Variants in BRF1 observed in about 807,000 individuals in gnomAD.
The protein encoded by BRF1 is transcription factor IIIB 90 kDa subunit.
In BRF1, 59 loss-of-function variants were observed where a neutral mutation model predicts 81.7. That is an observed-to-expected ratio of 0.72 (90% CI 0.59 to 0.90). The LOEUF (loss-of-function observed/expected upper bound fraction) is 0.90. Among genes scored for constraint, BRF1 ranks in the 40% least tolerant of loss-of-function variants. The pLI is 0.00. For synonymous variants in BRF1, 491 were observed against 395.6 expected (o/e 1.24, Z -2.86); for missense variants, 1,050 against 936.3 (o/e 1.12, Z -1.58).
Position 105,217,534 on chromosome 14 carries a change from A to G in BRF1, c.1772+10T>C, listed in dbSNP as rs1891536215. On this transcript the variant is annotated intron_variant, in intron 15 of 17. Transcript: ENST00000547530. ...CTGCCCTAACCCAGCCACTCAGGAC[A>G]GGATGGTACCTTTTCCCCACACTGG... 3.1e-6 allele frequency: 5 copies of G among 1,611,034 alleles called. No individual in the cohort carries two copies. The African/African-American group carries it at 5.3e-5, about 17-fold the overall frequency.
chr14:105,226,804 A>G (rs1893174652), intron 7 of BRF1, 44 bp from the exon 8 acceptor site: 1 of 1,611,798 alleles, frequency 6.2e-7, no homozygotes, highest in Non-Finnish European at 8.5e-7. Context: ...GTGGCTCTGA[A>G]ACCAGCTGTT....
At position 105,217,624 on chromosome 14, in the gene BRF1, G is replaced by C; in HGVS notation, c.1692C>G (p.Ser564Arg). The C allele has an allele frequency of 6.2e-7, 1 of 1,613,358 alleles. No individual in the cohort carries two copies. Among genetic ancestry groups the C allele is most frequent in the Non-Finnish European group, 8.5e-7 (1 of 1,180,014 alleles). ...PHREDAQPEH[S>R]ASARKLSRRR... is the part of the protein sequence containing the mutation. The stretch of plus-strand genomic sequence containing the variant: ...TTCGTGACAGCTTCCTGGCACTGGC[G>C]CTATGCTCGGGCTGTGCATCCTCCC... The change falls in exon 15 of 18, where the codon AGC becomes AGG. Residue 564 changes from serine (S) to arginine (R), a missense_variant. This residue lies in a region of BRF1 where 1,043 missense variants were observed against 915.4 expected (regional missense o/e 1.14). Transcript: ENST00000547530.
chr14:105,211,208 T>C lies in BRF1; in HGVS notation c.1910A>G (p.His637Arg). ...CTCCTCGTCAGCCTCCTCGTCGGCG[T>C]GGTATGACACGGGCCCGCTCTCCAC... Reference protein sequence around the residue: ...VLVESGPVSYHADEEADEEEP... With the variant: ...VLVESGPVSYRADEEADEEEP... The change falls in exon 17 of 18, where the codon CAC becomes CGC. Residue 637 changes from histidine (H) to arginine (R), a missense_variant. Transcript: ENST00000547530. 5.6e-6 allele frequency: 9 copies of C among 1,611,812 alleles called. No homozygotes were observed. Among genetic ancestry groups the C allele is most frequent in the Non-Finnish European group, 7.6e-6 (9 of 1,179,854 alleles).
intron 1 of BRF1, among the ~76,000 whole-genome samples, chr14:105,293,946 G>A (rs768517079): frequency 8.5e-5 from 13 of 152,222 alleles, no homozygotes; most frequent in African/African-American, 2.7e-4. Flanking sequence ...ACTAGAAAAC[G>A]ACAGCTCAGA....
Position 105,272,789 on chromosome 14 carries a change from C to T in BRF1, c.371G>A (p.Arg124His), listed in dbSNP as rs1198471192. ...AATCACGTGGGCCATCTTCCGGCCGCGGGTCAGGTGCCTGCTCACGGCCAT... is the reference window on the plus strand; with the variant it reads ...AATCACGTGGGCCATCTTCCGGCCGTGGGTCAGGTGCCTGCTCACGGCCAT... ...FKMAVSRHLT[R>H]GRKMAHVIAA... The change falls in exon 3 of 18, where the codon CGC becomes CAC. Residue 124 changes from arginine to histidine, a missense_variant. This residue lies in a region of BRF1 where 1,043 missense variants were observed against 915.4 expected (regional missense o/e 1.14). Coordinates refer to ENST00000547530, the MANE Select transcript of BRF1 (RefSeq NM_001519.4). 6.2e-6 allele frequency: 10 copies of T among 1,613,958 alleles called. No homozygotes were observed. Among genetic ancestry groups the T allele is most frequent in the East Asian group, 2.2e-5 (1 of 44,876 alleles).
At chr14:105,306,950 T>A (rs1222222503) in intron 1 of BRF1, among the ~76,000 whole-genome samples, 1 of 151,886 alleles carries the variant, frequency 6.6e-6, no homozygotes, top group East Asian at 1.9e-4. Flanking sequence ...TGGGGTCTCG[T>A]GGACCTAGAG....
At chr14:105,259,956 C>A (rs1192810855) in intron 3 of BRF1, among the ~76,000 whole-genome samples, 1 of 151,988 alleles carries the variant, frequency 6.6e-6, no homozygotes, top group East Asian at 1.9e-4. Context: ...TCATATGATT[C>A]CATTTATAGG....
chr14:105,212,368 A>G, intron 15 of BRF1: 1 of 613,678 alleles, frequency 1.6e-6, no homozygotes, highest in Non-Finnish European at 2.8e-6. Context: ...TCACATTCTC[A>G]ACAGCGAGCA....
In BRF1 at chr14:105,248,252, CGGCCAGAGGCAGACTCCGGAAT is replaced by C. The variant is rs1298932592; in HGVS notation, c.544+4233_544+4254del. ...AGCCCAACGACCATCCCACAGGCCGCGGCCAGAGGCAGACTCCGGAATGCAAATGGCCAAACAAGCAGGTCCA... is the reference window on the plus strand; with the variant it reads ...AGCCCAACGACCATCCCACAGGCCGCGCAAATGGCCAAACAAGCAGGTCCA... On this transcript the variant is annotated intron_variant, in intron 5 of 17. Transcript: ENST00000547530. 16 of 985,340 alleles carry C rather than the reference CGGCCAGAGGCAGACTCCGGAAT, an allele frequency of 1.6e-5. No individual in the cohort carries two copies. The East Asian group carries it at 1.6e-3, about 98-fold the overall frequency. The allele number at this position is 985,340 out of a possible 1,614,324, so 61.0% of individuals were successfully genotyped here.
At chr14:105,246,882 A>C in intron 5 of BRF1, 1 of 985,266 alleles carries the variant, frequency 1.0e-6, no homozygotes, top group Non-Finnish European at 1.2e-6. Context: ...CGGCTCAGCA[A>C]TTCTATCCTG....
intron 3 of BRF1, among the ~76,000 whole-genome samples, chr14:105,267,170 TTAA>T (rs2056453541): frequency 6.6e-6 from 1 of 152,242 alleles, no homozygotes; most frequent in African/African-American, 2.4e-5. Flanking sequence ...GAATGATGTA[TTAA>T]TAATGTCAAC....
intron 5 of BRF1, chr14:105,248,836 G>A (rs2055350863): frequency 1.9e-5 from 19 of 989,510 alleles, no homozygotes; most frequent in Non-Finnish European, 2.2e-5. Context: ...GCGTCCACAG[G>A]CGCCGAGGCT....
At chr14:105,248,935 G>T (rs912086833) in intron 5 of BRF1, 7 of 984,904 alleles carry the variant, frequency 7.1e-6, no homozygotes, top group Non-Finnish European at 7.2e-6. Flanking sequence ...AGCAACGCCG[G>T]CGCCGCCGTG....
chr14:105,211,914 G>T, intron 16 of BRF1, 199 bp downstream of exon 16: 2 of 720,684 alleles, frequency 2.8e-6, no homozygotes, highest in Non-Finnish European at 4.6e-6. Flanking sequence ...CCCACTTCCT[G>T]CCCGCTCCTG....
chr14:105,248,833 C>G lies in BRF1; in HGVS notation c.544+3674G>C, dbSNP rs186857534. 4,038 of 989,138 alleles carry G rather than the reference C, an allele frequency of 4.1e-3. 151 individuals are homozygous for G. The African/African-American group carries it at 0.067, about 16-fold the overall frequency. The allele number at this position is 989,138 out of a possible 1,614,324, so 61.3% of individuals were successfully genotyped here. ...GCGAGGGCGCGGGGCGCGGCGTCCA[C>G]AGGCGCCGAGGCTGCCCCCGCCGCC... is the stretch of plus-strand genomic sequence containing the variant. On this transcript the variant is annotated intron_variant, in intron 5 of 17. Coordinates refer to ENST00000547530, the MANE Select transcript of BRF1 (RefSeq NM_001519.4).
chr14:105,241,661 C>T (rs2054658271), intron 5 of BRF1: 3 of 561,052 alleles, frequency 5.3e-6, no homozygotes, highest in Non-Finnish European at 3.2e-6. Flanking sequence ...GGCCAGGCAG[C>T]GTGCTCCTAC....
chr14:105,223,897 G>C (rs777635658), intron 10 of BRF1, among the ~76,000 whole-genome samples: 1 of 152,180 alleles, frequency 6.6e-6, no homozygotes, highest in African/African-American at 2.4e-5. Flanking sequence ...CTTGAGCTAC[G>C]TGTTCATTTC....
chr14:105,281,344 A>G (rs587659158), intron 2 of BRF1, among the ~76,000 whole-genome samples: 14 of 105,586 alleles, frequency 1.3e-4, no homozygotes, highest in East Asian at 3.0e-4. Flanking sequence ...TCCTGAGCCC[A>G]GGTGTGCGGA....
chr14:105,278,113 G>A (rs185711886), intron 2 of BRF1, among the ~76,000 whole-genome samples: 36 of 152,244 alleles, frequency 2.4e-4, no homozygotes, highest in South Asian at 2.1e-3. Flanking sequence ...GCTAGCCATA[G>A]CCTGCGAGTC....
Sources: gnomAD v4.1 joint callset for allele counts (sites outside exome capture counted in the v4.1 genomes callset) on GRCh38, gnomAD v4.1.1 for gene constraint, gnomAD v4.1.1 regional missense constraint, MANE v1.5 for transcripts, NCBI Gene and HGNC (gene_info 2026-07-23, HGNC 2026-07-21) for gene names.